Variants in WRN observed in about 807,000 individuals in gnomAD.
WRN encodes the protein WRN RecQ like helicase.
Under a neutral mutation model 180.7 loss-of-function variants are expected in WRN, and 149 were observed. The observed-to-expected ratio is 0.82, with a 90% CI of 0.72 to 0.94. The LOEUF (loss-of-function observed/expected upper bound fraction) is 0.94. Among genes scored for constraint, WRN ranks in the 40% least tolerant of loss-of-function variants. The pLI is 0.00. For missense variants in WRN, 1,661 were observed against 1,700.1 expected, an observed-to-expected ratio of 0.98 and a Z score of 0.40; for synonymous variants, 548 against 568.9, an observed-to-expected ratio of 0.96 and a Z score of 0.52.
chr8:31,131,217 C>T (rs1294312606), intron 23 of WRN, among the ~76,000 whole-genome samples: 1 of 133,422 alleles, frequency 7.5e-6, no homozygotes, highest in East Asian at 2.4e-4. Flanking sequence ...TAGTGGTGGC[C>T]CAATCTTGGC....
rs1345587076 is a variant in WRN at position 31,175,271 on chromosome 8, C to T, written c.*2169C>T. Among the ~76,000 whole-genome samples the T allele has an allele frequency of 2.0e-5, 3 of 152,012 alleles. No individual in the cohort carries two copies. The highest frequency in any genetic ancestry group is 7.2e-5 in the African/African-American group (3 of 41,388). ...CCAACATGGTGAAACCCCGTCTCTA[C>T]TAAAAATACAAAAATTAGCTGGGTG... On this transcript the variant is annotated 3_prime_UTR_variant, in exon 35 of 35. Coordinates refer to ENST00000298139, the MANE Select transcript of WRN (RefSeq NM_000553.6).
In WRN at chr8:31,065,093, A is replaced by G. The variant is rs767893018; in HGVS notation, c.504+30A>G. The G allele has an allele frequency of 4.4e-6, 7 of 1,600,244 alleles. No homozygotes were observed. The East Asian group carries it at 9.0e-5, about 20-fold the overall frequency. ...AAGCAATATATATATAATTTTCATG[A>G]TGAAGATTATTTTGTGTTACACAGA... On this transcript the variant is annotated intron_variant, in intron 5 of 34. Coordinates refer to ENST00000298139, the MANE Select transcript of WRN (RefSeq NM_000553.6).
intron 1 of WRN, among the ~76,000 whole-genome samples, chr8:31,045,815 C>T (rs1811839894): frequency 6.6e-6 from 1 of 152,100 alleles, no homozygotes; most frequent in Non-Finnish European, 1.5e-5. Flanking sequence ...TTTCTCTTCC[C>T]AGTGAACTTT....
intron 1 of WRN, among the ~76,000 whole-genome samples, chr8:31,052,815 C>T (rs1673598412): frequency 6.6e-6 from 1 of 152,094 alleles, no homozygotes; most frequent in African/African-American, 2.4e-5. Context: ...GGTTGATAAA[C>T]ATGATAATCA....
intron 19 of WRN, 24 bp from the exon 20 acceptor site, chr8:31,116,330 T>C (rs1801515114): frequency 1.2e-6 from 2 of 1,612,782 alleles, no homozygotes; most frequent in African/African-American, 1.3e-5. Flanking sequence ...ATATGTTTGC[T>C]CTTTTGTTCT....
intron 8 of WRN, among the ~76,000 whole-genome samples, chr8:31,076,680 G>A (rs1004982257): frequency 1.3e-5 from 2 of 151,798 alleles, no homozygotes; most frequent in South Asian, 4.2e-4. Context: ...TTTATAGTTT[G>A]GTCACTTGAA....
intron 28 of WRN, among the ~76,000 whole-genome samples, chr8:31,146,561 T>A (rs1003182852): frequency 6.6e-6 from 1 of 152,174 alleles, no homozygotes; most frequent in Admixed American, 6.5e-5. Flanking sequence ...TTAATTTTAG[T>A]TATCAAATTT....
chr8:31,072,205 T>C (rs1048128454), intron 7 of WRN, among the ~76,000 whole-genome samples: 1 of 152,226 alleles, frequency 6.6e-6, no homozygotes. Context: ...GTGAAGAACA[T>C]GTTTTAAGTA....
intron 1 of WRN, among the ~76,000 whole-genome samples, chr8:31,039,621 C>T (rs190648716): frequency 6.6e-6 from 1 of 152,096 alleles, no homozygotes; most frequent in Non-Finnish European, 1.5e-5. Flanking sequence ...GTATCTTTGT[C>T]TTGCTTCCTA....
intron 23 of WRN, among the ~76,000 whole-genome samples, chr8:31,128,182 T>C (rs928141119): frequency 3.3e-5 from 5 of 151,972 alleles, no homozygotes; most frequent in Non-Finnish European, 7.4e-5. Flanking sequence ...AGTGGGAGAA[T>C]TTGATATAAT....
At chr8:31,116,279 A>G (rs997615116) in intron 19 of WRN, 75 bp from the exon 20 acceptor site, 1 of 1,477,050 alleles carries the variant, frequency 6.8e-7, no homozygotes, top group Non-Finnish European at 9.3e-7. Flanking sequence ...GAAGAATTAA[A>G]TAAGATAAAA....
intron 1 of WRN, among the ~76,000 whole-genome samples, chr8:31,046,740 G>A (rs1249076090): frequency 2.0e-5 from 3 of 152,198 alleles, no homozygotes; most frequent in Non-Finnish European, 4.4e-5. Context: ...TCAAAGCTTT[G>A]TAGCTGCTCC....
At chr8:31,042,395 A>G (rs1300328938) in intron 1 of WRN, among the ~76,000 whole-genome samples, 3 of 152,312 alleles carry the variant, frequency 2.0e-5, no homozygotes, top group African/African-American at 7.2e-5. Context: ...CATGGTGATG[A>G]TGATGGTCCA....
At chr8:31,034,896 G>A (rs1413868636) in intron 1 of WRN, among the ~76,000 whole-genome samples, 1 of 152,120 alleles carries the variant, frequency 6.6e-6, no homozygotes, top group African/African-American at 2.4e-5. Flanking sequence ...GCATTTTATG[G>A]CTTCTTGGTT....
chr8:31,157,011 A>G (rs1265932125), intron 32 of WRN, among the ~76,000 whole-genome samples: 2 of 152,198 alleles, frequency 1.3e-5, no homozygotes, highest in African/African-American at 2.4e-5. Context: ...GTATTGGGTT[A>G]CAGTTTACTA....
At position 31,068,327 on chromosome 8, in the gene WRN, G is replaced by A. The variant is rs769959338; in HGVS notation, c.724G>A (p.Glu242Lys). 3 of 1,600,330 alleles carry A rather than the reference G, an allele frequency of 1.9e-6. No homozygotes were observed. Among genetic ancestry groups the A allele is most frequent in the Admixed American group, 1.7e-5 (1 of 59,642 alleles). ...TGTGCAAAGGTTTGCTATAAATAAAGGTATGTTAAGATCCATAAATAAAAT... is the reference window on the plus strand; with the variant it reads ...TGTGCAAAGGTTTGCTATAAATAAAAGTATGTTAAGATCCATAAATAAAAT... ...DTVQRFAINK[E>K]EEILLSDMNK... The change falls in exon 7 of 35, where the codon GAG becomes AAG. Residue 242 changes from glutamate (E) to lysine (K), a missense_variant and splice_region_variant. Around this residue, in one of 3 missense-constraint regions of WRN, gnomAD observed 500 missense variants for 504.1 expected, o/e 0.99. Transcript: ENST00000298139.
intron 11 of WRN, 84 bp from the exon 12 acceptor site, chr8:31,087,692 G>A: frequency 7.0e-7 from 1 of 1,431,438 alleles, no homozygotes; most frequent in Non-Finnish European, 9.8e-7. Flanking sequence ...TGTAGGCCCT[G>A]TTAATAATAG....
At chr8:31,151,898 T>G (rs1803146013) in intron 31 of WRN, among the ~76,000 whole-genome samples, 1 of 139,280 alleles carries the variant, frequency 7.2e-6, no homozygotes, top group Non-Finnish European at 1.6e-5. Flanking sequence ...TCATTAGCCT[T>G]TTATTTTTTT....
At chr8:31,159,658 C>T (rs1044870692) in intron 33 of WRN, among the ~76,000 whole-genome samples, 82 of 144,472 alleles carry the variant, frequency 5.7e-4, no homozygotes, top group Admixed American at 3.9e-3. Flanking sequence ...AAAGGTGTTG[C>T]GCCAGGCACT....
Sources: allele counts gnomAD v4.1 joint callset (sites outside exome capture counted in the v4.1 genomes callset), GRCh38; gene constraint gnomAD v4.1.1; regional missense constraint gnomAD v4.1.1; transcripts MANE v1.5; gene names NCBI Gene and HGNC (gene_info 2026-07-23, HGNC 2026-07-21).